SASH1: variants seen among roughly 807,000 people sequenced by gnomAD.
SASH1 encodes SAM and SH3 domain-containing protein 1.
In SASH1, 44 loss-of-function variants were observed where a neutral mutation model predicts 125.2. The observed-to-expected ratio is 0.35, with a 90% CI of 0.28 to 0.45. SASH1 has a LOEUF of 0.45. Ranked by LOEUF, SASH1 falls within the 20% of genes least tolerant of loss-of-function variation. The pLI is 1.00. For synonymous variants in SASH1, 639 were observed against 649.1 expected (o/e 0.98, Z 0.24); for missense variants, 1,426 against 1,614.5 (o/e 0.88, Z 2.00).
At chr6:148,486,545 C>CA (rs1303679370) in intron 7 of SASH1, among the ~76,000 whole-genome samples, 2 of 152,028 alleles carry the variant, frequency 1.3e-5, no homozygotes, top group Non-Finnish European at 2.9e-5. Flanking sequence ...CCAATAACCC[C>CA]ATCACGTTTG....
At chr6:148,344,310 G>A (rs1188048150) in intron 1 of SASH1, among the ~76,000 whole-genome samples, 1 of 152,180 alleles carries the variant, frequency 6.6e-6, no homozygotes, top group African/African-American at 2.4e-5. Context: ...GATTTAGCTG[G>A]GTTGATGTGT....
intron 1 of SASH1, among the ~76,000 whole-genome samples, chr6:148,317,572 G>C (rs1033262563): frequency 6.6e-6 from 1 of 152,150 alleles, no homozygotes; most frequent in African/African-American, 2.4e-5. Context: ...TTACAGGCAT[G>C]TGCCACCACA....
intron 7 of SASH1, among the ~76,000 whole-genome samples, chr6:148,483,237 A>G (rs1778706309): frequency 6.6e-6 from 1 of 152,122 alleles, no homozygotes; most frequent in African/African-American, 2.4e-5. Flanking sequence ...CTTGGTGAGA[A>G]GAAACAAGAG....
chr6:148,540,391 AC>A, intron 16 of SASH1, 51 bp from the exon 17 acceptor site: 1 of 1,430,990 alleles, frequency 7.0e-7, no homozygotes, highest in Non-Finnish European at 9.8e-7. Flanking sequence ...TGACTCTGAA[AC>A]CTCTGCTTTT....
In SASH1 at chr6:148,455,934, C is replaced by T. The variant is rs148735635; in HGVS notation, c.387-12611C>T. Among the ~76,000 whole-genome samples the T allele has an allele frequency of 5.1e-3, 777 of 152,204 alleles. 6 individuals carry two copies. The highest frequency in any genetic ancestry group is 0.018 in the African/African-American group (736 of 41,530). ...AGCCTTGGCCTTCAGTGCTGCTTCC[C>T]CTGGACTCCCCTGCTGCCCCCAGGG... On this transcript the variant is annotated intron_variant, in intron 4 of 19. Transcript: ENST00000367467.
intron 7 of SASH1, among the ~76,000 whole-genome samples, chr6:148,484,546 T>C (rs1778759518): frequency 6.7e-6 from 1 of 149,604 alleles, no homozygotes; most frequent in African/African-American, 2.5e-5. Context: ...ACCTGTGTAA[T>C]TACATGGGTT....
At chr6:148,216,006 C>T in the SASH1 span, among the ~76,000 whole-genome samples, 6 of 152,130 alleles carry the variant, frequency 3.9e-5, no homozygotes, top group East Asian at 1.9e-4. Flanking sequence ...TACAGGCGCC[C>T]GCCACCACAC....
At chr6:148,309,896 C>T (rs1188795987) in intron 1 of SASH1, among the ~76,000 whole-genome samples, 2 of 152,096 alleles carry the variant, frequency 1.3e-5, no homozygotes, top group Non-Finnish European at 2.9e-5. Flanking sequence ...AAATGTCAAC[C>T]TAGGAGTATT....
intron 1 of SASH1, among the ~76,000 whole-genome samples, chr6:148,274,111 G>A (rs1433752185): frequency 6.6e-6 from 1 of 152,154 alleles, no homozygotes; most frequent in African/African-American, 2.4e-5. Context: ...GTCATGGGAT[G>A]AACAAAGCAA....
chr6:148,392,982 A>C (rs531367064), intron 2 of SASH1, among the ~76,000 whole-genome samples: 1 of 151,984 alleles, frequency 6.6e-6, no homozygotes, highest in Admixed American at 6.6e-5. Flanking sequence ...TTTTGGCAAG[A>C]TTACCACAGG....
intron 1 of SASH1, among the ~76,000 whole-genome samples, chr6:148,384,240 C>T (rs530399439): frequency 1.2e-4 from 18 of 152,208 alleles, no homozygotes; most frequent in African/African-American, 3.6e-4. Context: ...GAGGAAATAA[C>T]GTTTTCCCAT....
At chr6:148,477,662 A>C (rs1778424884) in intron 7 of SASH1, among the ~76,000 whole-genome samples, 1 of 148,248 alleles carries the variant, frequency 6.7e-6, no homozygotes, top group Non-Finnish European at 1.5e-5. Flanking sequence ...AATAGCTGGG[A>C]TCACAGGTGC....
chr6:148,267,470 C>T (rs1339609866), upstream of SASH1, among the ~76,000 whole-genome samples: 1 of 151,806 alleles, frequency 6.6e-6, no homozygotes, highest in Non-Finnish European at 1.5e-5. Flanking sequence ...GCTCCACCTC[C>T]TGAGTTCAAG....
At chr6:148,240,968 ACC>A in the SASH1 span, among the ~76,000 whole-genome samples, 1 of 152,028 alleles carries the variant, frequency 6.6e-6, no homozygotes, top group Non-Finnish European at 1.5e-5. Context: ...CTGCATAGTC[ACC>A]ATTTTTTTAA....
chr6:148,230,505 A>C, the SASH1 span, among the ~76,000 whole-genome samples: 2 of 151,946 alleles, frequency 1.3e-5, no homozygotes, highest in African/African-American at 4.8e-5. Context: ...TATATGTTTT[A>C]TTTCTCTTAG....
At chr6:148,486,936 A>AATATATATATAT (rs68036618) in intron 7 of SASH1, among the ~76,000 whole-genome samples, 2 of 62,050 alleles carry the variant, frequency 3.2e-5, no homozygotes, top group Non-Finnish European at 5.4e-5. Context: ...AACAACAACA[A>AATATATATATAT]ATATATATAT....
intron 1 of SASH1, among the ~76,000 whole-genome samples, chr6:148,387,652 CTTT>C (rs1562371528): frequency 2.3e-4 from 11 of 47,300 alleles, no homozygotes; most frequent in African/African-American, 7.6e-4. Context: ...TTCTTTCTTT[CTTT>C]CTTTCTTTCT....
At chr6:148,455,530 G>A (rs1434536657) in intron 4 of SASH1, among the ~76,000 whole-genome samples, 1 of 152,204 alleles carries the variant, frequency 6.6e-6, no homozygotes, top group African/African-American at 2.4e-5. Context: ...AAATCAGCGA[G>A]TGGAGTGATT....
the SASH1 span, among the ~76,000 whole-genome samples, chr6:148,212,040 C>G: frequency 6.6e-6 from 1 of 152,180 alleles, no homozygotes; most frequent in Non-Finnish European, 1.5e-5. Context: ...AAAGAGTGTT[C>G]TTCTAGCCAG....
Sources: allele counts gnomAD v4.1 joint callset (sites outside exome capture counted in the v4.1 genomes callset), GRCh38; gene constraint gnomAD v4.1.1; transcripts MANE v1.5; gene names NCBI Gene and HGNC (gene_info 2026-07-23, HGNC 2026-07-21).